DERPC: variants seen among roughly 807,000 people sequenced by gnomAD.
The protein encoded by DERPC is DERPC proline and glycine rich nuclear protein, also known as decreased expression in renal and prostate cancer protein.
A neutral mutation model predicts 7.2 loss-of-function variants in DERPC; 1 was observed. The ratio of observed to expected loss-of-function variants is 0.14; its 90% confidence interval spans 0.05 to 0.66. DERPC has a LOEUF of 0.66. Ranked by LOEUF, DERPC falls within the 30% of genes least tolerant of loss-of-function variation. DERPC has a pLI of 0.84. For missense variants in DERPC, 502 were observed against 299.4 expected, an observed-to-expected ratio of 1.68 and a Z score of -4.99; for synonymous variants, 185 against 117.6, an observed-to-expected ratio of 1.57 and a Z score of -3.71.
intron 1 of DERPC, among the ~76,000 whole-genome samples, chr16:69,123,963 G>C (rs538067515): frequency 3.7e-4 from 56 of 151,300 alleles, no homozygotes; most frequent in Admixed American, 7.9e-4. Flanking sequence ...AATTAGCTGG[G>C]TGTGGTGGCG....
intron 1 of DERPC, among the ~76,000 whole-genome samples, chr16:69,124,924 GAC>G (rs1291688687): frequency 1.3e-5 from 2 of 150,338 alleles, no homozygotes; most frequent in Non-Finnish European, 3.0e-5. Context: ...CTTTTTTTGA[GAC>G]AGAGTTTCGC....
At chr16:69,131,677 T>C (rs1238894618) in intron 1 of DERPC, among the ~76,000 whole-genome samples, 1 of 148,626 alleles carries the variant, frequency 6.7e-6, no homozygotes, top group Non-Finnish European at 1.5e-5. Flanking sequence ...AACTATTCTT[T>C]AAACCGCCTT....
intron 1 of DERPC, chr16:69,132,014 G>A (rs988347097): frequency 1.0e-4 from 16 of 153,120 alleles, no homozygotes; most frequent in Admixed American, 5.2e-4. Context: ...CTAGGTTCCA[G>A]TTCTACTCCG....
chr16:69,121,104 G>A (rs763623091), intron 2 of DERPC: 40 of 1,613,880 alleles, frequency 2.5e-5, no homozygotes, highest in Non-Finnish European at 3.3e-5. Context: ...ATCCAGTGCT[G>A]TAGCGAGCCT....
chr16:69,132,228 A>G (rs1293783192), intron 1 of DERPC: 2 of 61,694 alleles, frequency 3.2e-5, no homozygotes, highest in African/African-American at 1.3e-4. Flanking sequence ...CTTCCCCCAC[A>G]CTCCTGGCCC....
intron 1 of DERPC, among the ~76,000 whole-genome samples, chr16:69,127,510 A>G (rs1962154857): frequency 6.6e-6 from 1 of 151,936 alleles, no homozygotes; most frequent in African/African-American, 2.4e-5. Context: ...TTGCAGCTCT[A>G]TCAAGAGCAT....
intron 1 of DERPC, among the ~76,000 whole-genome samples, 178 bp from the exon 2 acceptor site, chr16:69,121,671 G>T (rs999667209): frequency 3.0e-4 from 42 of 141,284 alleles, no homozygotes; most frequent in Middle Eastern, 3.6e-3. Context: ...TAGAGATGGG[G>T]TTTTTTTTTT....
At chr16:69,125,049 C>A (rs1355132506) in intron 1 of DERPC, among the ~76,000 whole-genome samples, 4 of 152,122 alleles carry the variant, frequency 2.6e-5, no homozygotes, top group Non-Finnish European at 4.4e-5. Flanking sequence ...GGATTATAGG[C>A]ATGTGCCACC....
rs1285648416 is a variant in DERPC at position 69,119,027 on chromosome 16, T to C, written c.1402A>G (p.Thr468Ala). ...GINPAPFTRPTGTLGLNPASF... is the reference protein window; with the variant it reads ...GINPAPFTRPAGTLGLNPASF... ...GCTGGGTTGAGACCCAGGGTCCCAG[T>C]TGGCCTTGTGAAAGGAGCTGGGTTG... The change falls in exon 3 of 3, where the codon ACT becomes GCT. Residue 468 changes from threonine to alanine, a missense_variant. Transcript: ENST00000519520. 5.7e-6 allele frequency: 4 copies of C among 703,068 alleles called. No individual in the cohort carries two copies. The Admixed American group carries it at 6.0e-5, about 11-fold the overall frequency. The allele number at this position is 703,068 out of a possible 1,614,324, so 43.6% of individuals were successfully genotyped here.
At chr16:69,131,305 G>A (rs1962492882) in intron 1 of DERPC, 1 of 152,108 alleles carries the variant, frequency 6.6e-6, no homozygotes, top group South Asian at 2.1e-4. Context: ...ACTGGTATTT[G>A]TAGCAATGGG....
chr16:69,121,137 C>T (rs1440470436), intron 2 of DERPC: 4 of 1,613,526 alleles, frequency 2.5e-6, no homozygotes, highest in Non-Finnish European at 3.4e-6. Context: ...GTAGCTCCAT[C>T]AGCACCCATT....
At chr16:69,123,942 AAAAAAC>A (rs1567591179) in intron 1 of DERPC, among the ~76,000 whole-genome samples, 2 of 146,702 alleles carry the variant, frequency 1.4e-5, no homozygotes, top group Non-Finnish European at 3.0e-5. Flanking sequence ...AAAAAAAAAA[AAAAAAC>A]AAAAAATTAG....
intron 1 of DERPC, chr16:69,131,529 C>A (rs1254022171): frequency 6.7e-6 from 1 of 149,382 alleles, no homozygotes; most frequent in Non-Finnish European, 1.5e-5. Context: ...CCCCCTCCCA[C>A]CCTTTCTGCT....
At position 69,118,121 on chromosome 16, in the gene DERPC, T is replaced by TCCCCCCCCCC; in HGVS notation, c.*732_*733insGGGGGGGGGG. On this transcript the variant is annotated 3_prime_UTR_variant, in exon 3 of 3. Coordinates refer to ENST00000519520, the MANE Select transcript of DERPC (RefSeq NM_001002847.4). ...AAAGCACAGTGATTTCTTCCCTTCATCCCCCACCCCCACCCTAATTCCCAT... is the reference window on the plus strand; with the variant it reads ...AAAGCACAGTGATTTCTTCCCTTCATCCCCCCCCCCCCCCCACCCCCACCCTAATTCCCAT... The TCCCCCCCCCC allele has an allele frequency of 4.3e-6, 2 of 462,570 alleles. No homozygotes were observed. Among genetic ancestry groups the TCCCCCCCCCC allele is most frequent in the Non-Finnish European group, 3.9e-6 (1 of 255,620 alleles). The allele number at this position is 462,570 out of a possible 1,614,324, so 28.7% of individuals were successfully genotyped here.
chr16:69,123,267 T>C (rs1454396350), intron 1 of DERPC, among the ~76,000 whole-genome samples: 2 of 152,182 alleles, frequency 1.3e-5, no homozygotes, highest in Non-Finnish European at 2.9e-5. Flanking sequence ...AAAAAGCCTA[T>C]GGAGTTTCTT....
intron 1 of DERPC, among the ~76,000 whole-genome samples, chr16:69,122,770 G>C (rs1477568037): frequency 6.6e-6 from 1 of 152,048 alleles, no homozygotes; most frequent in African/African-American, 2.4e-5. Flanking sequence ...TCGAACTCCT[G>C]ACTTCAGGTT....
At position 69,120,979 on chromosome 16, in the gene DERPC, T is replaced by C. The variant is rs1961609330; in HGVS notation, c.-221-330A>G. On this transcript the variant is annotated intron_variant, in intron 2 of 2. Transcript: ENST00000519520. This position sits in a 1 kb window ranked among gnomAD's most constrained non-coding sequence, Gnocchi z 4.0. ...AACAAACCTGAGGCAGTCCTCACTC[T>C]GGGTCCTGGGAGCACCACCTTGGTG... 7.9e-7 allele frequency: 1 copy of C among 1,263,986 alleles called. No individual in the cohort carries two copies. Among genetic ancestry groups the C allele is most frequent in the African/African-American group, 1.5e-5 (1 of 68,184 alleles). The allele number at this position is 1,263,986 out of a possible 1,614,324, so 78.3% of individuals were successfully genotyped here.
At position 69,120,245 on chromosome 16, in the gene DERPC, G is replaced by C. The variant is rs866978671; in HGVS notation, c.184C>G (p.Leu62Val). 1 of 713,606 alleles carries C rather than the reference G, an allele frequency of 1.4e-6. No individual in the cohort carries two copies. The highest frequency in any genetic ancestry group is 2.6e-4 in the Middle Eastern group (1 of 3,886). 44.2% of individuals were successfully genotyped at this position (713,606 alleles called of 1,614,324 possible). A position where few individuals can be genotyped will look rare whatever the true frequency, so the allele number is the denominator to read the frequency against. Residue 62 changes from leucine (L) to valine (V), a missense_variant, in exon 3 of 3, where the codon CTG (leucine) becomes GTG (valine). Physicochemically the swap from Leu to Val is conservative, Grantham distance 32. Transcript: ENST00000519520. The surrounding 1 kb of genome is among the most constrained non-coding windows in gnomAD (Gnocchi z 4.0). ...GATGGGTTCCTTGGAAATGGGGTCA[G>C]ATTTCCACCAAGAGAACCGGCCGCC... The part of the protein sequence containing the change: ...LMAAGSLGGN[L>V]TPFPRNPSPF...
intron 1 of DERPC, chr16:69,131,482 C>T (rs1962510619): frequency 1.4e-5 from 2 of 146,876 alleles, no homozygotes; most frequent in African/African-American, 5.1e-5. Flanking sequence ...GCTCTTCCTC[C>T]CACCCACCCC....
Sources: allele counts gnomAD v4.1 joint callset (sites outside exome capture counted in the v4.1 genomes callset), GRCh38; gene constraint gnomAD v4.1.1; non-coding constraint Gnocchi (gnomAD v3.1); transcripts MANE v1.5; gene names NCBI Gene and HGNC (gene_info 2026-07-23, HGNC 2026-07-21).